The following GFRA2 variants were observed in gnomAD, a reference collection of about 807,000 sequenced individuals.
The protein encoded by GFRA2 is GDNF family receptor alpha-2.
A neutral mutation model predicts 48.3 loss-of-function variants in GFRA2; 17 were observed. The observed-to-expected ratio is 0.35, with a 90% CI of 0.24 to 0.53. The LOEUF is 0.53. Among genes scored for constraint, GFRA2 ranks in the 20% least tolerant of loss-of-function variants. The probability of loss-of-function intolerance (pLI) is 0.93; values close to 1 mark genes in which losing one functional copy is unlikely to be tolerated. For synonymous variants in GFRA2, 305 were observed against 257.2 expected (o/e 1.19, Z -1.78); for missense variants, 660 against 637.3 (o/e 1.04, Z -0.38).
At chr8:21,792,735 T>C (rs7822622), upstream of GFRA2, among the ~76,000 whole-genome samples, 74,814 of 151,866 alleles carry the variant, frequency 0.49, 19,563 homozygotes, top group African/African-American at 0.67. Flanking sequence ...ACACTCCAGG[T>C]GAGCAAACAG....
At chr8:21,802,095 C>T (rs1036582554) in intron 2 of GFRA2, among the ~76,000 whole-genome samples, 2 of 152,230 alleles carry the variant, frequency 1.3e-5, no homozygotes, top group African/African-American at 4.8e-5. Flanking sequence ...GCAAAAGGAA[C>T]CAGAATGTCT....
intron 3 of GFRA2, among the ~76,000 whole-genome samples, chr8:21,766,630 C>G (rs1019366209): frequency 1.3e-5 from 2 of 151,020 alleles, no homozygotes; most frequent in African/African-American, 4.9e-5. Context: ...TGCCCCTCCC[C>G]CTTGAGCCCC....
At chr8:21,717,925 C>G (rs1391219205) in intron 4 of GFRA2, among the ~76,000 whole-genome samples, 2 of 152,220 alleles carry the variant, frequency 1.3e-5, no homozygotes, top group Non-Finnish European at 2.9e-5. Flanking sequence ...CTGCACAGAA[C>G]CACACCCAGC....
At chr8:21,727,694 C>T (rs1043822674) in intron 4 of GFRA2, among the ~76,000 whole-genome samples, 11 of 152,172 alleles carry the variant, frequency 7.2e-5, no homozygotes, top group African/African-American at 2.7e-4. Flanking sequence ...CTCGTCTGCC[C>T]GCAGACGGCA....
chr8:21,808,041 C>T (rs1807904397), intron 1 of GFRA2, among the ~76,000 whole-genome samples: 1 of 152,152 alleles, frequency 6.6e-6, no homozygotes, highest in Non-Finnish European at 1.5e-5. Flanking sequence ...TCAGGGCTTC[C>T]ACATATGAAT....
intron 4 of GFRA2, chr8:21,706,548 G>A: frequency 2.4e-6 from 1 of 420,048 alleles, no homozygotes; most frequent in Non-Finnish European, 4.8e-6. Context: ...CAGTGGCCAG[G>A]GAGGCAAAAG....
chr8:21,727,957 A>G (rs1195730580), intron 4 of GFRA2, among the ~76,000 whole-genome samples: 1 of 152,078 alleles, frequency 6.6e-6, no homozygotes, highest in African/African-American at 2.4e-5. Context: ...GCCCAGGCAC[A>G]CTCCTTCTAC....
rs189503368 is a variant in GFRA2 at position 21,711,958 on chromosome 8, A to G, written c.795-5917T>C. 6.4e-3 allele frequency among the ~76,000 whole-genome samples: 982 copies of G among 152,356 alleles called. 6 individuals are homozygous for G. The highest frequency in any genetic ancestry group is 0.01 in the Non-Finnish European group (712 of 68,040). ...ACTGCCCGTAATCCATTTAACCCTG[A>G]GTGGACACAGCACATGTTTCAGAGA... On this transcript the variant is annotated intron_variant, in intron 4 of 8. Coordinates refer to ENST00000524240, the MANE Select transcript of GFRA2 (RefSeq NM_001495.5).
Position 21,788,598 on chromosome 8 carries a change from CG to C in GFRA2, c.-440del, listed in dbSNP as rs1807406050. On this transcript the variant is annotated 5_prime_UTR_variant, in exon 1 of 9. Coordinates refer to ENST00000524240, the MANE Select transcript of GFRA2 (RefSeq NM_001495.5). ...GGAAGGAAGCGGCGAGGGAGGGGGTCGGAATAAAATGCAAATAGAAAAGAAA... is the reference window on the plus strand; with the variant it reads ...GGAAGGAAGCGGCGAGGGAGGGGGTCGAATAAAATGCAAATAGAAAAGAAA... 1.2e-5 allele frequency: 12 copies of C among 994,500 alleles called. No homozygotes were observed. Among genetic ancestry groups the C allele is most frequent in the African/African-American group, 1.7e-5 (1 of 57,652 alleles). 61.6% of individuals were successfully genotyped at this position (994,500 alleles called of 1,614,324 possible).
chr8:21,763,258 ATT>A (rs1805995880), intron 3 of GFRA2, among the ~76,000 whole-genome samples: 1 of 152,202 alleles, frequency 6.6e-6, no homozygotes, highest in South Asian at 2.1e-4. Context: ...TGACTTTGTT[ATT>A]TAGCATCCTA....
At chr8:21,771,123 C>T (rs1806417736) in intron 3 of GFRA2, among the ~76,000 whole-genome samples, 2 of 152,304 alleles carry the variant, frequency 1.3e-5, no homozygotes, top group Admixed American at 6.5e-5. Flanking sequence ...TCCATTCCCA[C>T]CGAACCCTCT....
At chr8:21,759,540 A>AGGAAGGAAGGAAGGAAG (rs1805790539) in intron 3 of GFRA2, among the ~76,000 whole-genome samples, 1 of 145,546 alleles carries the variant, frequency 6.9e-6, no homozygotes, top group Non-Finnish European at 1.5e-5. Context: ...GAAGGAAGGA[A>AGGAAGGAAGGAAGGAAG]GGAGGGAAGG....
intron 1 of GFRA2, chr8:21,783,145 A>G (rs1807097480): frequency 6.0e-6 from 4 of 669,312 alleles, no homozygotes; most frequent in Admixed American, 4.1e-5. Flanking sequence ...CCCTGGGCCT[A>G]GGAGCACAGC....
At chr8:21,808,446 G>A (rs1352457890) in intron 1 of GFRA2, among the ~76,000 whole-genome samples, 4 of 152,218 alleles carry the variant, frequency 2.6e-5, no homozygotes, top group African/African-American at 9.6e-5. Flanking sequence ...CTTATGGACA[G>A]GGAATTGAAA....
At chr8:21,752,219 T>C (rs1173708362) in intron 3 of GFRA2, among the ~76,000 whole-genome samples, 2 of 152,094 alleles carry the variant, frequency 1.3e-5, no homozygotes, top group Non-Finnish European at 2.9e-5. Flanking sequence ...CCTCTTAAGC[T>C]ACCACTCCAT....
At chr8:21,704,963 G>A (rs1802665499) in intron 6 of GFRA2, 22 bp downstream of exon 6, 1 of 1,591,460 alleles carries the variant, frequency 6.3e-7, no homozygotes, top group Non-Finnish European at 8.6e-7. Context: ...TGCTGGGGTT[G>A]GGGAGAACAT....
chr8:21,769,432 C>A (rs1563258578), intron 3 of GFRA2, among the ~76,000 whole-genome samples: 1 of 152,232 alleles, frequency 6.6e-6, no homozygotes, highest in African/African-American at 2.4e-5. Flanking sequence ...TACCCTTCAC[C>A]AGCACCTAGG....
intron 3 of GFRA2, among the ~76,000 whole-genome samples, chr8:21,762,998 A>C (rs952914709): frequency 6.6e-6 from 1 of 152,184 alleles, no homozygotes; most frequent in East Asian, 1.9e-4. Flanking sequence ...TGGACACAGG[A>C]TTTGAAGCAC....
At chr8:21,806,593 T>C (rs1807872507) in intron 1 of GFRA2, among the ~76,000 whole-genome samples, 1 of 152,116 alleles carries the variant, frequency 6.6e-6, no homozygotes, top group Non-Finnish European at 1.5e-5. Flanking sequence ...GCCTCCTGAG[T>C]AGCTGGGACT....
Sources: gnomAD v4.1 joint callset for allele counts (sites outside exome capture counted in the v4.1 genomes callset) on GRCh38, gnomAD v4.1.1 for gene constraint, MANE v1.5 for transcripts, NCBI Gene and HGNC (gene_info 2026-07-23, HGNC 2026-07-21) for gene names.